The following VCAM1 variants were observed in gnomAD, a reference collection of about 807,000 sequenced individuals.
VCAM1 encodes the protein vascular cell adhesion protein 1.
Under a neutral mutation model 63.8 loss-of-function variants are expected in VCAM1, and 41 were observed. The observed-to-expected ratio is 0.64, with a 90% CI of 0.50 to 0.83. The LOEUF is 0.83. Among genes scored for constraint, VCAM1 ranks in the 40% least tolerant of loss-of-function variants. VCAM1 has a pLI of 0.00. For missense variants in VCAM1, 798 were observed against 875.5 expected (o/e 0.91, Z 1.12); for synonymous variants, 338 against 320.7 (o/e 1.05, Z -0.58).
rs750758509 is a variant in VCAM1 at position 100,731,711 on chromosome 1, T to C, written c.1525+193T>C. Among the ~76,000 whole-genome samples the C allele has an allele frequency of 2.6e-5, 4 of 152,186 alleles. No individual in the cohort carries two copies. Among genetic ancestry groups the C allele is most frequent in the Non-Finnish European group, 4.4e-5 (3 of 68,026 alleles). ...AAAATAGTAACTATTTACTGGCTTATGATGCTTTGAGTAGGCAATTTAGGA... is the reference window on the plus strand; with the variant it reads ...AAAATAGTAACTATTTACTGGCTTACGATGCTTTGAGTAGGCAATTTAGGA... On this transcript the variant is annotated intron_variant, in intron 6 of 8. Transcript: ENST00000294728. This position sits in a 1 kb window ranked among gnomAD's most constrained non-coding sequence, Gnocchi z 4.2.
At chr1:100,729,020 G>T in intron 4 of VCAM1, 87 bp from the exon 5 acceptor site, 1 of 1,399,168 alleles carries the variant, frequency 7.1e-7, no homozygotes. Context: ...AAGGAGATCA[G>T]GAAAAATAAA....
At chr1:100,720,387 T>C (rs1659917036) in intron 1 of VCAM1, 89 bp from the exon 2 acceptor site, 14 of 1,474,174 alleles carry the variant, frequency 9.5e-6, no homozygotes, top group Non-Finnish European at 1.3e-5. Flanking sequence ...ATCAGTCTGA[T>C]CATATTTTAG....
chr1:100,729,455 G>A, intron 5 of VCAM1, 73 bp downstream of exon 5: 2 of 1,468,198 alleles, frequency 1.4e-6, no homozygotes, highest in Non-Finnish European at 1.8e-6. Context: ...GCAAGTCTGT[G>A]AAGTGCAATG....
At chr1:100,728,963 C>G in intron 4 of VCAM1, 144 bp from the exon 5 acceptor site, 1 of 963,486 alleles carries the variant, frequency 1.0e-6, no homozygotes, top group Non-Finnish European at 1.4e-6. Context: ...TTCTGATGGT[C>G]CCAAGGTGGA....
chr1:100,723,493 A>G (rs961614776), intron 3 of VCAM1, among the ~76,000 whole-genome samples, 153 bp downstream of exon 3: 2 of 151,962 alleles, frequency 1.3e-5, no homozygotes, highest in African/African-American at 2.4e-5. Context: ...TGTCAATAGT[A>G]TAATTCAGTG....
chr1:100,725,018 T>C, intron 4 of VCAM1, 128 bp downstream of exon 4: 1 of 1,198,794 alleles, frequency 8.3e-7, no homozygotes, highest in Middle Eastern at 2.9e-4. Flanking sequence ...GCCATATCCT[T>C]TAGCACAAAT....
rs1248153693 is a variant in VCAM1 at position 100,723,302 on chromosome 1, C to T, written c.623C>T (p.Pro208Leu). 6.2e-7 allele frequency: 1 copy of T among 1,612,794 alleles called. No homozygotes were observed. The highest frequency in any genetic ancestry group is 8.5e-7 in the Non-Finnish European group (1 of 1,179,302). The change falls in exon 3 of 9, where the codon CCC becomes CTC. Residue 208 changes from proline (P) to leucine (L), a missense_variant. By Grantham distance (98) the Pro-to-Leu change is moderately conservative. Transcript: ENST00000294728. ...CACATTGATGAAATGGATTCTGTGCCCACAGTAAGGCAGGCTGTAAAAGAA... is the reference window on the plus strand; with the variant it reads ...CACATTGATGAAATGGATTCTGTGCTCACAGTAAGGCAGGCTGTAAAAGAA... ...KLHIDEMDSVPTVRQAVKELQ... is the reference protein window; with the variant it reads ...KLHIDEMDSVLTVRQAVKELQ...
At chr1:100,724,935 G>T in intron 4 of VCAM1, 45 bp downstream of exon 4, 1 of 1,594,990 alleles carries the variant, frequency 6.3e-7, no homozygotes, top group Non-Finnish European at 8.5e-7. Flanking sequence ...CTGTCAGTGG[G>T]ATTTGAGCAA....
At chr1:100,720,013 G>A (rs1490644217) in intron 1 of VCAM1, 89 bp downstream of exon 1, 109 of 1,374,030 alleles carry the variant, frequency 7.9e-5, no homozygotes, top group Non-Finnish European at 1.1e-4. Flanking sequence ...TAGTAGTGAA[G>A]TAAAGACACT....
intron 4 of VCAM1, among the ~76,000 whole-genome samples, chr1:100,725,310 A>C (rs3917010): frequency 0.18 from 27,809 of 151,680 alleles, 3,189 homozygotes; most frequent in South Asian, 0.39. Context: ...CTACCTCAAA[A>C]TGCTCCCTGG....
At chr1:100,732,346 T>G (rs1372756145) in intron 6 of VCAM1, 72 bp from the exon 7 acceptor site, 1 of 1,447,722 alleles carries the variant, frequency 6.9e-7, no homozygotes, top group African/African-American at 1.4e-5. Context: ...AGCCCAGTTT[T>G]GCAACATTAT....
At chr1:100,725,053 G>A (rs1660113764) in intron 4 of VCAM1, among the ~76,000 whole-genome samples, 163 bp downstream of exon 4, 2 of 151,848 alleles carry the variant, frequency 1.3e-5, no homozygotes, top group Admixed American at 1.3e-4. Context: ...CTAGTACTCT[G>A]TGGAAGTCTT....
At chr1:100,737,946 G>C in intron 8 of VCAM1, 177 bp from the exon 9 acceptor site, 1 of 623,134 alleles carries the variant, frequency 1.6e-6, no homozygotes, top group Non-Finnish European at 2.7e-6. Context: ...ACCACCAACT[G>C]ATTATTTGGA....
At chr1:100,734,360 T>C (rs1660574033) in intron 7 of VCAM1, 142 bp from the exon 8 acceptor site, 1 of 877,400 alleles carries the variant, frequency 1.1e-6, no homozygotes, top group African/African-American at 1.7e-5. Flanking sequence ...AATGCTTGAC[T>C]TCTTTACTTG....
At chr1:100,733,743 A>G (rs745767074) in intron 7 of VCAM1, among the ~76,000 whole-genome samples, 8 of 152,338 alleles carry the variant, frequency 5.3e-5, no homozygotes, top group Non-Finnish European at 1.2e-4. Context: ...CCACATCTGT[A>G]CAGCTTAACT....
intron 4 of VCAM1, among the ~76,000 whole-genome samples, chr1:100,727,696 A>T (rs1291693994): frequency 1.3e-5 from 2 of 152,068 alleles, no homozygotes; most frequent in Non-Finnish European, 2.9e-5. Context: ...GTAAAGAATG[A>T]CTTGAGAAAT....
chr1:100,727,961 A>C (rs1337764219), intron 4 of VCAM1, among the ~76,000 whole-genome samples: 1 of 152,060 alleles, frequency 6.6e-6, no homozygotes, highest in Admixed American at 6.6e-5. Flanking sequence ...ATATATTGAG[A>C]TTTCTTTCTT....
chr1:100,723,354 C>T lies in VCAM1; in HGVS notation c.661+14C>T, dbSNP rs369922598. 141 of 1,606,456 alleles carry T rather than the reference C, an allele frequency of 8.8e-5. No individual in the cohort carries two copies. The highest frequency in any genetic ancestry group is 1.1e-4 in the Non-Finnish European group (132 of 1,175,446). On this transcript the variant is annotated intron_variant, in intron 3 of 8. Coordinates refer to ENST00000294728, the MANE Select transcript of VCAM1 (RefSeq NM_001078.4). ...TGCAAGTCTACAGTAAGTACTTGTGCGATGTGTTCCAGTCTTTGTGGGAAT... is the reference window on the plus strand; with the variant it reads ...TGCAAGTCTACAGTAAGTACTTGTGTGATGTGTTCCAGTCTTTGTGGGAAT...
rs1319384507 is a variant in VCAM1 at position 100,724,846 on chromosome 1, A to T, written c.884A>T (p.Asn295Ile). Residue 295 changes from asparagine to isoleucine, a missense_variant, in exon 4 of 9, where the codon AAT becomes ATT. By Grantham distance (149) the Asn-to-Ile change is moderately radical (BLOSUM62 -3). Transcript: ENST00000294728. ...GGAATTTATGTGTGTGAAGGAGTTA[A>T]TTTGATTGGGAAAAACAGAAAAGAG... ...DSGIYVCEGV[N>I]LIGKNRKEVE... 6.2e-7 allele frequency: 1 copy of T among 1,612,756 alleles called. No homozygotes were observed. Among genetic ancestry groups the T allele is most frequent in the African/African-American group, 1.3e-5 (1 of 74,834 alleles).
Sources: gnomAD v4.1 joint callset for allele counts (sites outside exome capture counted in the v4.1 genomes callset) on GRCh38, gnomAD v4.1.1 for gene constraint, Gnocchi (gnomAD v3.1) non-coding constraint, MANE v1.5 for transcripts, NCBI Gene and HGNC (gene_info 2026-07-23, HGNC 2026-07-21) for gene names.